The following KIAA1671 variants were observed in gnomAD, a reference collection of about 807,000 sequenced individuals.
KIAA1671 encodes uncharacterized protein KIAA1671.
A neutral mutation model predicts 131.2 loss-of-function variants in KIAA1671; 52 were observed. That is an observed-to-expected ratio of 0.40 (90% confidence interval 0.32 to 0.50). The LOEUF (loss-of-function observed/expected upper bound fraction) is 0.50, where lower values mean the gene tolerates loss of function less well. Ranked by LOEUF, KIAA1671 falls within the 20% of genes least tolerant of loss-of-function variation. The pLI is 0.73. For missense variants in KIAA1671, 2,360 were observed against 2,364.2 expected, an observed-to-expected ratio of 1.00 and a Z score of 0.04; for synonymous variants, 1,003 against 961.6, an observed-to-expected ratio of 1.04 and a Z score of -0.80.
rs71191010 is a variant in KIAA1671 at position 24,979,170 on chromosome 22, A to ATTTTTTTT, written c.-208+26415_-208+26422dup. On this transcript the variant is annotated intron_variant, in intron 1 of 12. Coordinates refer to ENST00000358431, the MANE Select transcript of KIAA1671 (RefSeq NM_001145206.2). ...ATCACCATGCCTGGCTAATTTTTGT[A>ATTTTTTTT]TTTTTTTTTTTTTTTTTTTTTTTTA... Among the ~76,000 whole-genome samples the ATTTTTTTT allele has an allele frequency of 4.9e-3, 402 of 81,630 alleles. 14 individuals are homozygous for ATTTTTTTT. Among genetic ancestry groups the ATTTTTTTT allele is most frequent in the African/African-American group, 0.02 (364 of 18,026 alleles). The allele number at this position is 81,630 out of a possible 152,430, so 53.6% of individuals were successfully genotyped here.
chr22:24,986,910 TC>T (rs1423330934), intron 1 of KIAA1671, among the ~76,000 whole-genome samples: 2 of 151,318 alleles, frequency 1.3e-5, no homozygotes, highest in Non-Finnish European at 2.9e-5. Flanking sequence ...AAAGCAGGGG[TC>T]GGCCAGCTTC....
At chr22:25,142,532 C>A (rs1378427014) in intron 6 of KIAA1671, among the ~76,000 whole-genome samples, 3 of 152,148 alleles carry the variant, frequency 2.0e-5, no homozygotes, top group Non-Finnish European at 4.4e-5. Flanking sequence ...TTTGGGTCCA[C>A]AGGGGCTGAG....
intron 6 of KIAA1671, among the ~76,000 whole-genome samples, chr22:25,089,964 G>T (rs1374848029): frequency 6.6e-6 from 1 of 152,324 alleles, no homozygotes; most frequent in East Asian, 1.9e-4. Context: ...AAAGAACGGC[G>T]TGTGTAGGTA....
intron 6 of KIAA1671, among the ~76,000 whole-genome samples, chr22:25,091,236 T>G (rs1374905782): frequency 1.3e-5 from 2 of 152,160 alleles, no homozygotes; most frequent in Non-Finnish European, 1.5e-5. Context: ...TTTTGTATTT[T>G]TAGTAGAGAT....
chr22:25,127,545 C>T (rs757210810), intron 6 of KIAA1671, among the ~76,000 whole-genome samples: 1 of 152,142 alleles, frequency 6.6e-6, no homozygotes, highest in Non-Finnish European at 1.5e-5. Flanking sequence ...GCCCCCCTTG[C>T]AAGATTCTTC....
intron 1 of KIAA1671, among the ~76,000 whole-genome samples, chr22:25,016,043 C>T (rs532097199): frequency 3.4e-5 from 5 of 149,080 alleles, no homozygotes; most frequent in Admixed American, 6.7e-5. Context: ...TTTTCCCAGA[C>T]GGAGTCTCGC....
At chr22:25,114,729 A>G (rs1931567493) in intron 6 of KIAA1671, among the ~76,000 whole-genome samples, 1 of 152,338 alleles carries the variant, frequency 6.6e-6, no homozygotes, top group East Asian at 1.9e-4. Flanking sequence ...ATCACTTCAA[A>G]GATTTTCAAT....
chr22:24,963,137 G>A (rs1922099747), intron 1 of KIAA1671, among the ~76,000 whole-genome samples: 1 of 152,008 alleles, frequency 6.6e-6, no homozygotes, highest in Non-Finnish European at 1.5e-5. Flanking sequence ...GCCGAGGCGG[G>A]CGGATCACCT....
chr22:25,029,411 A>C lies in KIAA1671; in HGVS notation c.1412A>C (p.Glu471Ala). ...ATPASPSAAP[E>A]PEKGVVSVQE... is the part of the protein sequence containing the mutation. ...CCTGCGTCCCCATCGGCGGCACCAG[A>C]GCCGGAGAAAGGGGTTGTGAGCGTT... Residue 471 changes from glutamate to alanine, a missense_variant, in exon 3 of 13, where the codon GAG becomes GCG. Glu to Ala is a moderately radical substitution (Grantham distance 107). This residue lies in a region of KIAA1671 where 1,185 missense variants were observed against 1,126.2 expected (regional missense o/e 1.05). Transcript: ENST00000358431. 6.4e-7 allele frequency: 1 copy of C among 1,551,394 alleles called. No individual in the cohort carries two copies. The highest frequency in any genetic ancestry group is 8.7e-7 in the Non-Finnish European group (1 of 1,146,858).
At chr22:25,164,494 C>G (rs1933570238) in intron 6 of KIAA1671, among the ~76,000 whole-genome samples, 1 of 152,206 alleles carries the variant, frequency 6.6e-6, no homozygotes, top group Non-Finnish European at 1.5e-5. Context: ...TCAGGCAGAG[C>G]TCTCTGCCTG....
At chr22:25,185,142 G>A (rs1212732797) in intron 11 of KIAA1671, 23 bp downstream of exon 11, 1 of 1,528,208 alleles carries the variant, frequency 6.5e-7, no homozygotes, top group Admixed American at 2.1e-5. Context: ...GGGGAATGGG[G>A]GTCCCTCTCC....
At chr22:25,015,564 G>A (rs1925266736) in intron 1 of KIAA1671, among the ~76,000 whole-genome samples, 2 of 152,176 alleles carry the variant, frequency 1.3e-5, no homozygotes, top group African/African-American at 4.8e-5. Context: ...ACTTGGACAA[G>A]CGGCCTGGGG....
intron 6 of KIAA1671, among the ~76,000 whole-genome samples, chr22:25,168,803 G>A (rs1933739636): frequency 6.6e-6 from 1 of 152,198 alleles, no homozygotes; most frequent in Non-Finnish European, 1.5e-5. Context: ...CAGAGGCCAG[G>A]AGTGTGTGAG....
At chr22:25,029,941 T>C (rs1926185347) in intron 3 of KIAA1671, among the ~76,000 whole-genome samples, 1 of 152,196 alleles carries the variant, frequency 6.6e-6, no homozygotes, top group Non-Finnish European at 1.5e-5. Context: ...GAGAGAACGC[T>C]TAAGATTGGG....
rs1926135432 is a variant in KIAA1671 at position 25,029,295 on chromosome 22, C to T, written c.1296C>T (p.Ala432=). Residue 432 remains alanine (A), a synonymous_variant, in exon 3 of 13, where the codon GCC becomes GCT. Coordinates refer to ENST00000358431, the MANE Select transcript of KIAA1671 (RefSeq NM_001145206.2). Reference sequence around the variant, plus strand: ...AGGCCGCGGCAGGGGGAGAGTGGGCCTCCAGGAGGAGTGTCAGGAAGTGCA... The same window carrying T: ...AGGCCGCGGCAGGGGGAGAGTGGGCTTCCAGGAGGAGTGTCAGGAAGTGCA... ...DGEAAAGGEW[A]SRRSVRKCIS... The T allele has an allele frequency of 3.3e-6, 5 of 1,523,012 alleles. No individual in the cohort carries two copies. In the African/African-American group the frequency reaches 4.1e-5, roughly 13 times the overall value. 94.3% of individuals were successfully genotyped at this position (1,523,012 alleles called of 1,614,324 possible).
At chr22:25,125,863 A>G (rs565790185) in intron 6 of KIAA1671, among the ~76,000 whole-genome samples, 4 of 152,366 alleles carry the variant, frequency 2.6e-5, no homozygotes, top group African/African-American at 9.6e-5. Context: ...GACAAGGCCA[A>G]AGTATTAGTA....
intron 5 of KIAA1671, among the ~76,000 whole-genome samples, chr22:25,045,411 A>G (rs1190780653): frequency 6.6e-6 from 1 of 152,156 alleles, no homozygotes; most frequent in Non-Finnish European, 1.5e-5. Flanking sequence ...CCAACATCCT[A>G]CAAGGCACAA....
chr22:24,962,015 C>T (rs569821330), intron 1 of KIAA1671, among the ~76,000 whole-genome samples: 3 of 152,156 alleles, frequency 2.0e-5, no homozygotes, highest in Admixed American at 1.3e-4. Context: ...TCTTCTCTGG[C>T]GAGCTGCTGG....
At chr22:25,047,765 G>T (rs1416880320) in intron 5 of KIAA1671, among the ~76,000 whole-genome samples, 3 of 152,248 alleles carry the variant, frequency 2.0e-5, no homozygotes, top group Non-Finnish European at 4.4e-5. Flanking sequence ...GAGCTACTGC[G>T]CCTGGCCTTC....
Sources: allele counts gnomAD v4.1 joint callset (sites outside exome capture counted in the v4.1 genomes callset), GRCh38; gene constraint gnomAD v4.1.1; regional missense constraint gnomAD v4.1.1; transcripts MANE v1.5; gene names NCBI Gene and HGNC (gene_info 2026-07-23, HGNC 2026-07-21).